SGCZ: variants seen among roughly 807,000 people sequenced by gnomAD.
The protein encoded by SGCZ is zeta-sarcoglycan.
SGCZ carries 40 observed loss-of-function variants against 41.3 expected under a neutral mutation model. That is an observed-to-expected ratio of 0.97 (90% CI 0.75 to 1.26). The LOEUF (loss-of-function observed/expected upper bound fraction) is 1.26. Among genes scored for constraint, SGCZ ranks in the 50% most tolerant of loss-of-function variants. The probability of loss-of-function intolerance (pLI) is 0.00; values close to 1 mark genes in which losing one functional copy is unlikely to be tolerated. For synonymous variants in SGCZ, 206 were observed against 137.5 expected (o/e 1.50, Z -3.49); for missense variants, 552 against 369.8 (o/e 1.49, Z -4.04).
rs561322655 is a variant in SGCZ, at chr8:14,420,574, A to G, written c.235-96370T>C. Among the ~76,000 whole-genome samples, 6 of 152,122 alleles carry G rather than the reference A, an allele frequency of 3.9e-5. No homozygotes were observed. In the South Asian group the frequency reaches 1.2e-3, roughly 32 times the overall value. ...TCTTTATTCCTCCTTCAGTTACCCAACAGATACCAAAATGATCCCGAGCTC... is the reference window on the plus strand; with the variant it reads ...TCTTTATTCCTCCTTCAGTTACCCAGCAGATACCAAAATGATCCCGAGCTC... On this transcript the variant is annotated intron_variant, in intron 2 of 7. Transcript: ENST00000382080.
At chr8:14,778,029 T>C (rs1032398418) in intron 1 of SGCZ, among the ~76,000 whole-genome samples, 9 of 152,010 alleles carry the variant, frequency 5.9e-5, no homozygotes, top group African/African-American at 2.2e-4. Flanking sequence ...ACTTAAGCGA[T>C]CCTCCCACCT....
chr8:14,404,216 C>A (rs900914495), intron 2 of SGCZ, among the ~76,000 whole-genome samples: 3 of 152,114 alleles, frequency 2.0e-5, no homozygotes, highest in African/African-American at 7.2e-5. Context: ...TTGTCAAGTG[C>A]AATTTGTTTT....
At chr8:14,570,193 G>C (rs1013092610) in intron 1 of SGCZ, among the ~76,000 whole-genome samples, 1 of 152,102 alleles carries the variant, frequency 6.6e-6, no homozygotes, top group African/African-American at 2.4e-5. Flanking sequence ...GCAGGTAGGT[G>C]CTCAATAATA....
chr8:14,289,277 G>A (rs926578140), intron 3 of SGCZ, among the ~76,000 whole-genome samples: 2 of 151,314 alleles, frequency 1.3e-5, no homozygotes, highest in African/African-American at 4.9e-5. Context: ...TTATGAAGAA[G>A]TATAATTTAT....
At chr8:14,395,763 G>C (rs1217030038) in intron 2 of SGCZ, among the ~76,000 whole-genome samples, 2 of 152,152 alleles carry the variant, frequency 1.3e-5, no homozygotes, top group Admixed American at 6.6e-5. Flanking sequence ...AAGGAGCTCA[G>C]AGCAAGTATC....
rs541817576 is a variant in SGCZ at position 14,716,725 on chromosome 8, A to T, written c.40-161799T>A. On this transcript the variant is annotated intron_variant, in intron 1 of 7. Transcript: ENST00000382080. ...ACACAAGTTTCTAAATGCATAGTTC[A>T]TTGAAAATAACAAAGCATTGTATTT... 8.5e-5 allele frequency among the ~76,000 whole-genome samples: 13 copies of T among 152,078 alleles called. No homozygotes were observed. In the South Asian group the frequency reaches 2.7e-3, roughly 31 times the overall value.
intron 1 of SGCZ, among the ~76,000 whole-genome samples, chr8:14,899,977 T>C (rs1213708318): frequency 1.3e-5 from 2 of 152,030 alleles, no homozygotes; most frequent in Non-Finnish European, 2.9e-5. Context: ...TGTGAAAAGG[T>C]TTAACGTGGG....
chr8:14,100,732 G>A (rs1216592310), intron 7 of SGCZ, among the ~76,000 whole-genome samples: 1 of 151,464 alleles, frequency 6.6e-6, no homozygotes, highest in Non-Finnish European at 1.5e-5. Context: ...GGAAGTAAAT[G>A]TATAATTACA....
intron 1 of SGCZ, among the ~76,000 whole-genome samples, chr8:15,144,129 T>C (rs184482462): frequency 6.6e-6 from 1 of 152,318 alleles, no homozygotes; most frequent in African/African-American, 2.4e-5. Context: ...GCTTTCTGGG[T>C]GAGAGGAAAC....
At chr8:14,998,202 C>T (rs1051717634) in intron 1 of SGCZ, among the ~76,000 whole-genome samples, 2 of 152,120 alleles carry the variant, frequency 1.3e-5, no homozygotes, top group Non-Finnish European at 2.9e-5. Context: ...AAGAAGTAAA[C>T]ATCTGTACAT....
chr8:14,884,210 G>A (rs1273630484), intron 1 of SGCZ, among the ~76,000 whole-genome samples: 3 of 152,072 alleles, frequency 2.0e-5, no homozygotes, highest in Non-Finnish European at 4.4e-5. Flanking sequence ...GTCTTGTTTA[G>A]AATCCATTGC....
intron 2 of SGCZ, among the ~76,000 whole-genome samples, chr8:14,534,259 A>C (rs1196418141): frequency 6.6e-6 from 1 of 152,000 alleles, no homozygotes; most frequent in Non-Finnish European, 1.5e-5. Flanking sequence ...AGAGGGAAGC[A>C]GGTGCAGAAA....
intron 1 of SGCZ, among the ~76,000 whole-genome samples, chr8:14,866,896 G>T (rs1041895990): frequency 6.6e-6 from 1 of 152,156 alleles, no homozygotes; most frequent in African/African-American, 2.4e-5. Context: ...AAGCAGGAAA[G>T]CCTCAGAATG....
At chr8:14,119,054 T>G (rs562483101) in intron 5 of SGCZ, among the ~76,000 whole-genome samples, 1 of 152,340 alleles carries the variant, frequency 6.6e-6, no homozygotes, top group African/African-American at 2.4e-5. Context: ...GGCTCTTTTT[T>G]GGTTCCATAT....
intron 2 of SGCZ, among the ~76,000 whole-genome samples, chr8:14,452,254 A>G (rs1341495050): frequency 6.6e-6 from 1 of 152,174 alleles, no homozygotes; most frequent in Non-Finnish European, 1.5e-5. Flanking sequence ...ACATTCTGGG[A>G]AAAGCAAAAC....
chr8:14,259,932 C>G (rs575717235), intron 3 of SGCZ, among the ~76,000 whole-genome samples: 1 of 152,144 alleles, frequency 6.6e-6, no homozygotes, highest in Non-Finnish European at 1.5e-5. Context: ...ATTGATTCTT[C>G]CTACCCATGA....
rs577373636 is a variant in SGCZ at position 14,756,041 on chromosome 8, C to T, written c.40-201115G>A. Among the ~76,000 whole-genome samples the T allele has an allele frequency of 1.4e-4, 22 of 152,174 alleles. 1 individual carries two copies. The South Asian group carries it at 3.5e-3, about 24-fold the overall frequency. The stretch of plus-strand genomic sequence containing the variant: ...AAGAGTGAAAAAACAAACTGTGCCT[C>T]GCCACTCATAAGGGATCTTCTCATG... On this transcript the variant is annotated intron_variant, in intron 1 of 7. Coordinates refer to ENST00000382080, the MANE Select transcript of SGCZ (RefSeq NM_139167.4).
At chr8:15,155,515 G>A (rs1170357014) in intron 1 of SGCZ, among the ~76,000 whole-genome samples, 2 of 152,108 alleles carry the variant, frequency 1.3e-5, no homozygotes, top group Admixed American at 1.3e-4. Flanking sequence ...CACAACAGAT[G>A]TATTCACAAG....
At chr8:14,392,672 A>G (rs145721229) in intron 2 of SGCZ, among the ~76,000 whole-genome samples, 1 of 152,298 alleles carries the variant, frequency 6.6e-6, no homozygotes, top group African/African-American at 2.4e-5. Flanking sequence ...TGAATAAATG[A>G]ATACTATATC....
Sources: allele counts gnomAD v4.1 joint callset (sites outside exome capture counted in the v4.1 genomes callset), GRCh38; gene constraint gnomAD v4.1.1; transcripts MANE v1.5; gene names NCBI Gene and HGNC (gene_info 2026-07-23, HGNC 2026-07-21).